Variants in CD247 observed in about 807,000 individuals in gnomAD.
The protein encoded by CD247 is CD247 molecule, also known as T-cell surface glycoprotein CD3 zeta chain.
Under a neutral mutation model 30.0 loss-of-function variants are expected in CD247, and 13 were observed. That is an observed-to-expected ratio of 0.43 (90% confidence interval 0.28 to 0.69). CD247 has a LOEUF of 0.69. Ranked by LOEUF, CD247 falls within the 30% of genes least tolerant of loss-of-function variation. The pLI is 0.16. For missense variants in CD247, 193 were observed against 212.6 expected, an observed-to-expected ratio of 0.91 and a Z score of 0.57; for synonymous variants, 72 against 80.0, an observed-to-expected ratio of 0.90 and a Z score of 0.53.
In CD247 at chr1:167,433,054, C is replaced by G; in HGVS notation, c.399G>C (p.Arg133=). ...AAAGGCCATCGTGCCCCTTGCCCCTCCGGCGCTGGTTGTTTGGGAGTGAAA... is the reference window on the plus strand; with the variant it reads ...AAAGGCCATCGTGCCCCTTGCCCCTGCGGCGCTGGTTGTTTGGGAGTGAAA... ...YSEIGMKGER[R]RGKGHDGLYQ... The change falls in exon 7 of 8, where the codon CGG becomes CGC. Residue 133 remains arginine, a synonymous_variant. Transcript: ENST00000362089. The G allele has an allele frequency of 2.5e-6, 4 of 1,614,220 alleles. No homozygotes were observed. Among genetic ancestry groups the G allele is most frequent in the Non-Finnish European group, 3.4e-6 (4 of 1,180,022 alleles).
chr1:167,491,062 T>C (rs1039341353), intron 1 of CD247, among the ~76,000 whole-genome samples: 1 of 152,220 alleles, frequency 6.6e-6, no homozygotes, highest in African/African-American at 2.4e-5. Flanking sequence ...TTTTATTCTA[T>C]ATTTACAATT....
intron 1 of CD247, among the ~76,000 whole-genome samples, chr1:167,463,061 T>G (rs1468565982): frequency 6.6e-6 from 1 of 152,182 alleles, no homozygotes; most frequent in East Asian, 1.9e-4. Flanking sequence ...TCCAGCTCTC[T>G]CTGGAGGATG....
chr1:167,478,566 A>T (rs913541419), intron 1 of CD247, among the ~76,000 whole-genome samples: 1 of 152,194 alleles, frequency 6.6e-6, no homozygotes, highest in East Asian at 1.9e-4. Flanking sequence ...CTAAAAACCA[A>T]TTGGAGAGGC....
chr1:167,456,225 A>T (rs535319669), intron 1 of CD247, among the ~76,000 whole-genome samples: 1 of 152,248 alleles, frequency 6.6e-6, no homozygotes, highest in East Asian at 1.9e-4. Flanking sequence ...AGAGTGGGAC[A>T]TTCCTGTGTG....
intron 1 of CD247, among the ~76,000 whole-genome samples, chr1:167,478,943 G>C (rs957983417): frequency 1.3e-5 from 2 of 152,166 alleles, no homozygotes; most frequent in Admixed American, 1.3e-4. Context: ...TGGATTATGA[G>C]TGATTTAAAG....
intron 1 of CD247, among the ~76,000 whole-genome samples, chr1:167,444,013 AC>A (rs1340916247): frequency 6.6e-6 from 1 of 151,804 alleles, no homozygotes; most frequent in Non-Finnish European, 1.5e-5. Flanking sequence ...AATGGAATGA[AC>A]TCTGGATTGC....
chr1:167,507,353 GA>G (rs1655187361), intron 1 of CD247, among the ~76,000 whole-genome samples: 1 of 152,098 alleles, frequency 6.6e-6, no homozygotes, highest in Non-Finnish European at 1.5e-5. Context: ...AGAGCCAGGT[GA>G]ACCAGGCCTC....
chr1:167,445,563 A>T (rs551234675), intron 1 of CD247, among the ~76,000 whole-genome samples: 1 of 152,090 alleles, frequency 6.6e-6, no homozygotes, highest in Non-Finnish European at 1.5e-5. Flanking sequence ...AAAAGCCCTG[A>T]ATTCAGGAAG....
intron 1 of CD247, among the ~76,000 whole-genome samples, chr1:167,499,841 G>A (rs1217744189): frequency 6.6e-6 from 1 of 152,150 alleles, no homozygotes; most frequent in Non-Finnish European, 1.5e-5. Flanking sequence ...CCTTCTTGAA[G>A]TTTCAGTTCC....
chr1:167,460,780 C>T (rs1246654383), intron 1 of CD247, among the ~76,000 whole-genome samples: 1 of 152,122 alleles, frequency 6.6e-6, no homozygotes, highest in Non-Finnish European at 1.5e-5. Flanking sequence ...TGATGTTCCC[C>T]GCCCTGTGTC....
At chr1:167,448,173 G>A (rs533232180) in intron 1 of CD247, among the ~76,000 whole-genome samples, 1 of 152,206 alleles carries the variant, frequency 6.6e-6, no homozygotes, top group Non-Finnish European at 1.5e-5. Context: ...TTCTGGGCCA[G>A]GAACCACACG....
At chr1:167,509,762 G>A (rs1245214453) in intron 1 of CD247, among the ~76,000 whole-genome samples, 1 of 152,204 alleles carries the variant, frequency 6.6e-6, no homozygotes, top group African/African-American at 2.4e-5. Context: ...TCAACAGTGG[G>A]TCTGGGAGAT....
chr1:167,490,391 G>A (rs1026242249), intron 1 of CD247, among the ~76,000 whole-genome samples: 3 of 152,142 alleles, frequency 2.0e-5, no homozygotes, highest in South Asian at 2.1e-4. Flanking sequence ...TTGGGAGGCC[G>A]AGTTGGGTGG....
chr1:167,439,840 T>C, intron 2 of CD247: 1 of 186,230 alleles, frequency 5.4e-6, no homozygotes, highest in Non-Finnish European at 1.1e-5. Flanking sequence ...TGTACGTGCA[T>C]CACTCGCCCA....
intron 1 of CD247, among the ~76,000 whole-genome samples, chr1:167,461,336 C>A (rs1457867418): frequency 6.6e-6 from 1 of 152,240 alleles, no homozygotes; most frequent in African/African-American, 2.4e-5. Flanking sequence ...CGGCAGCACT[C>A]TAGAGCTATT....
At chr1:167,469,108 G>A (rs1479278243) in intron 1 of CD247, among the ~76,000 whole-genome samples, 2 of 152,082 alleles carry the variant, frequency 1.3e-5, no homozygotes, top group African/African-American at 4.8e-5. Context: ...TCAGCCACCC[G>A]AGTAGCTAGC....
intron 1 of CD247, among the ~76,000 whole-genome samples, chr1:167,471,032 C>T (rs534158873): frequency 2.8e-4 from 42 of 152,096 alleles, no homozygotes; most frequent in Non-Finnish European, 4.6e-4. Context: ...TCACCACGCC[C>T]GGCTAATTTT....
chr1:167,455,079 CGCCCGGACGCAAG>C (rs1652574351), intron 1 of CD247, among the ~76,000 whole-genome samples: 1 of 152,220 alleles, frequency 6.6e-6, no homozygotes, highest in South Asian at 2.1e-4. Context: ...GCGGGCCGCC[CGCCCGGACGCAAG>C]GCACAGGGGG....
At chr1:167,465,327 C>CTTTTTTTTTTTTTTTTTT (rs765176193) in intron 1 of CD247, among the ~76,000 whole-genome samples, 23 of 115,326 alleles carry the variant, frequency 2.0e-4, no homozygotes, top group Non-Finnish European at 2.7e-4. Context: ...TTTTCTTTTT[C>CTTTTTTTTTTTTTTTTTT]TTTTTTTTTT....
Sources: gnomAD v4.1 joint callset for allele counts (sites outside exome capture counted in the v4.1 genomes callset) on GRCh38, gnomAD v4.1.1 for gene constraint, MANE v1.5 for transcripts, NCBI Gene and HGNC (gene_info 2026-07-23, HGNC 2026-07-21) for gene names.